Variants in SLC25A51 observed in about 807,000 individuals in gnomAD.
SLC25A51 encodes the protein solute carrier family 25 member 51.
A neutral mutation model predicts 19.1 loss-of-function variants in SLC25A51; 11 were observed. The ratio of observed to expected loss-of-function variants is 0.58; its 90% CI spans 0.36 to 0.96. The LOEUF is 0.96. Among genes scored for constraint, SLC25A51 ranks in the 40% least tolerant of loss-of-function variants. The pLI, the probability that SLC25A51 is intolerant of heterozygous loss-of-function variation, is 0.01. For missense variants in SLC25A51, 201 were observed against 365.4 expected, an observed-to-expected ratio of 0.55 and a Z score of 3.67; for synonymous variants, 105 against 133.6, an observed-to-expected ratio of 0.79 and a Z score of 1.47.
downstream of SLC25A51, chr9:37,885,807 T>A: frequency 1.2e-6 from 2 of 1,605,036 alleles, no homozygotes. Flanking sequence ...CGCAATTCTT[T>A]TCTTCCGCTT....
chr9:37,886,352 A>C (rs780640122), downstream of SLC25A51: 58 of 1,612,510 alleles, frequency 3.6e-5, no homozygotes, highest in Non-Finnish European at 4.7e-5. Flanking sequence ...TTCAACCCCC[A>C]CCACAGTGTC....
chr9:37,900,670 G>C (rs1202179549), intron 1 of SLC25A51, among the ~76,000 whole-genome samples: 1 of 150,486 alleles, frequency 6.6e-6, no homozygotes, highest in East Asian at 2.0e-4. Context: ...TCCTGCCTTG[G>C]CCTCCCAAAG....
chr9:37,896,495 T>C (rs1831718595), intron 2 of SLC25A51, among the ~76,000 whole-genome samples: 1 of 152,158 alleles, frequency 6.6e-6, no homozygotes, highest in African/African-American at 2.4e-5. Context: ...GAGGCATATA[T>C]ATTTAAAATA....
intron 2 of SLC25A51, among the ~76,000 whole-genome samples, chr9:37,895,364 G>A (rs1831694331): frequency 6.8e-6 from 1 of 147,330 alleles, no homozygotes; most frequent in Non-Finnish European, 1.5e-5. Context: ...ACCACATTCG[G>A]CTTTTTTTTT....
At chr9:37,886,796 A>G (rs1161830106), downstream of SLC25A51, among the ~76,000 whole-genome samples, 1 of 152,216 alleles carries the variant, frequency 6.6e-6, no homozygotes, top group Non-Finnish European at 1.5e-5. Flanking sequence ...GCTGGGGTAT[A>G]GAACGCTAAG....
chr9:37,900,863 GT>G (rs1282251357), intron 1 of SLC25A51, among the ~76,000 whole-genome samples: 1 of 152,090 alleles, frequency 6.6e-6, no homozygotes, highest in Non-Finnish European at 1.5e-5. Flanking sequence ...TCTCAGTTTT[GT>G]TTTGTTTTTT....
Position 37,900,957 on chromosome 9 carries a change from C to T in SLC25A51, c.-164-1007G>A, listed in dbSNP as rs144996553. Among the ~76,000 whole-genome samples, 29 of 152,258 alleles carry T rather than the reference C, an allele frequency of 1.9e-4. No individual in the cohort carries two copies. In the East Asian group the frequency reaches 5.6e-3, roughly 29 times the overall value. ...CTGCACTTACTGCAGCCTTGACCTC[C>T]TGGGCTCAAGCAATCCTTCCACCTC... On this transcript the variant is annotated intron_variant, in intron 1 of 2. Coordinates refer to ENST00000242275, the MANE Select transcript of SLC25A51 (RefSeq NM_033412.4).
chr9:37,903,673 G>A (rs1023350528), intron 1 of SLC25A51: 4 of 152,364 alleles, frequency 2.6e-5, no homozygotes, highest in Non-Finnish European at 5.9e-5. Context: ...GGACGCAGAG[G>A]CCCTTGCGCG....
chr9:37,902,190 A>T (rs1212103900), intron 1 of SLC25A51, among the ~76,000 whole-genome samples: 1 of 152,148 alleles, frequency 6.6e-6, no homozygotes, highest in Non-Finnish European at 1.5e-5. Flanking sequence ...AACAATAAAA[A>T]TTTTGTCCAT....
At chr9:37,883,546 AAAGG>A (rs1233232032), downstream of SLC25A51, among the ~76,000 whole-genome samples, 1 of 152,224 alleles carries the variant, frequency 6.6e-6, no homozygotes, top group South Asian at 2.1e-4. Context: ...TGTAAAGACA[AAAGG>A]AAGCCCAACA....
downstream of SLC25A51, chr9:37,885,878 ACC>A: frequency 6.4e-7 from 1 of 1,568,946 alleles, no homozygotes; most frequent in Non-Finnish European, 8.8e-7. Context: ...TGACGTGCAA[ACC>A]CCCCCCTCCC....
chr9:37,897,962 A>C (rs1268756380), intron 2 of SLC25A51, among the ~76,000 whole-genome samples: 1 of 152,188 alleles, frequency 6.6e-6, no homozygotes, highest in Non-Finnish European at 1.5e-5. Flanking sequence ...GAAGTGCAGG[A>C]GGCCTTCCTT....
chr9:37,885,805 T>G, downstream of SLC25A51: 1 of 1,604,574 alleles, frequency 6.2e-7, no homozygotes, highest in Non-Finnish European at 8.5e-7. Flanking sequence ...AACGCAATTC[T>G]TTTCTTCCGC....
chr9:37,886,364 G>C, downstream of SLC25A51: 1 of 1,609,306 alleles, frequency 6.2e-7, no homozygotes, highest in Non-Finnish European at 8.5e-7. Flanking sequence ...CACAGTGTCA[G>C]ATGGGGAAAG....
At chr9:37,885,911 A>C (rs1207436000), downstream of SLC25A51, 3 of 1,595,902 alleles carry the variant, frequency 1.9e-6, no homozygotes, top group Non-Finnish European at 2.6e-6. Flanking sequence ...CCCTGAGTAT[A>C]TCAAGTACTT....
chr9:37,895,818 C>CTT (rs922167874), intron 2 of SLC25A51, among the ~76,000 whole-genome samples: 4 of 142,608 alleles, frequency 2.8e-5, no homozygotes, highest in Non-Finnish European at 4.6e-5. Flanking sequence ...CCTTCCACAA[C>CTT]TTTTTTTTTT....
chr9:37,890,901 T>G (rs998264886), intron 2 of SLC25A51, among the ~76,000 whole-genome samples: 4 of 152,198 alleles, frequency 2.6e-5, no homozygotes, highest in African/African-American at 4.8e-5. Context: ...GGTCTTTCAC[T>G]TGGAACAAAA....
At chr9:37,893,095 C>T (rs1831635441) in intron 2 of SLC25A51, among the ~76,000 whole-genome samples, 1 of 152,124 alleles carries the variant, frequency 6.6e-6, no homozygotes, top group African/African-American at 2.4e-5. Context: ...CCAGGCTGGT[C>T]TTGAGCTTCT....
chr9:37,887,394 T>G (rs563827784), downstream of SLC25A51, among the ~76,000 whole-genome samples: 2 of 152,086 alleles, frequency 1.3e-5, no homozygotes, highest in Non-Finnish European at 2.9e-5. Flanking sequence ...GTTTTTATCA[T>G]TGAAGACAAT....
Sources: allele counts gnomAD v4.1 joint callset (sites outside exome capture counted in the v4.1 genomes callset), GRCh38; gene constraint gnomAD v4.1.1; transcripts MANE v1.5; gene names NCBI Gene and HGNC (gene_info 2026-07-23, HGNC 2026-07-21).